Variants in ACSM2B observed in about 807,000 individuals in gnomAD.
The protein encoded by ACSM2B is acyl-CoA synthetase medium chain family member 2B.
A neutral mutation model predicts 78.6 loss-of-function variants in ACSM2B; 58 were observed. That is an observed-to-expected ratio of 0.74 (90% CI 0.60 to 0.92). ACSM2B has a LOEUF of 0.92. Ranked by LOEUF, ACSM2B falls within the 40% of genes least tolerant of loss-of-function variation. The pLI is 0.00. For synonymous variants in ACSM2B, 257 were observed against 256.8 expected, an observed-to-expected ratio of 1.00 and a Z score of -0.01; for missense variants, 688 against 711.2, an observed-to-expected ratio of 0.97 and a Z score of 0.37.
chr16:20,556,707 C>G (rs1037263758), intron 3 of ACSM2B, among the ~76,000 whole-genome samples: 2 of 152,186 alleles, frequency 1.3e-5, no homozygotes, highest in Non-Finnish European at 2.9e-5. Context: ...AACCTTAGCT[C>G]ACTTTCTTCC....
intron 4 of ACSM2B, chr16:20,554,197 A>G: frequency 1.7e-6 from 1 of 572,876 alleles, no homozygotes; most frequent in Non-Finnish European, 3.2e-6. Flanking sequence ...AGTGAGATCA[A>G]GTCTTATAGA....
At position 20,568,740 on chromosome 16, in the gene ACSM2B, G is replaced by GT. The variant is rs780553541; in HGVS notation, c.-8-3888dup. Among the ~76,000 whole-genome samples, 60 of 151,310 alleles carry GT rather than the reference G, an allele frequency of 4.0e-4. 1 individual carries two copies. Among genetic ancestry groups the GT allele is most frequent in the East Asian group, 1.2e-3 (6 of 5,140 alleles). On this transcript the variant is annotated intron_variant, in intron 1 of 13. Transcript: ENST00000329697. Reference sequence around the variant, plus strand: ...CACACCAACATCTATAATTTTTTTTGTTTTTTTATAATGACCATTCTTGCA... The same window carrying GT: ...CACACCAACATCTATAATTTTTTTTGTTTTTTTTATAATGACCATTCTTGCA...
At chr16:20,541,752 G>C (rs1281331120) in intron 12 of ACSM2B, 4 of 144,318 alleles carry the variant, frequency 2.8e-5, no homozygotes, top group Non-Finnish European at 5.9e-5. Context: ...GCGCGATCTC[G>C]GCTCACTGCA....
At chr16:20,571,935 A>C (rs2016103471) in intron 1 of ACSM2B, among the ~76,000 whole-genome samples, 1 of 151,266 alleles carries the variant, frequency 6.6e-6, no homozygotes, top group African/African-American at 2.4e-5. Context: ...GTCTTTTTCC[A>C]CCCCCTTACC....
At chr16:20,562,290 A>C (rs937805235) in intron 2 of ACSM2B, among the ~76,000 whole-genome samples, 5 of 152,162 alleles carry the variant, frequency 3.3e-5, no homozygotes, top group African/African-American at 7.2e-5. Flanking sequence ...GACCCTTCGC[A>C]TATCCCCTGA....
chr16:20,544,669 C>A (rs2015085596), intron 10 of ACSM2B: 2 of 983,362 alleles, frequency 2.0e-6, no homozygotes, highest in Middle Eastern at 5.3e-4. Context: ...CCATCCTCAC[C>A]TGTCAAGTGA....
intron 3 of ACSM2B, among the ~76,000 whole-genome samples, chr16:20,558,346 G>T (rs1286585101): frequency 7.0e-6 from 1 of 143,746 alleles, no homozygotes; most frequent in Non-Finnish European, 1.5e-5. Flanking sequence ...CTATTCCCTA[G>T]CCCCCTGCAT....
chr16:20,566,624 AC>A (rs1377669705), intron 1 of ACSM2B, among the ~76,000 whole-genome samples: 1 of 64,854 alleles, frequency 1.5e-5, no homozygotes, highest in Non-Finnish European at 2.3e-5. Context: ...TAGTATATAT[AC>A]TATATATAGT....
intron 5 of ACSM2B, among the ~76,000 whole-genome samples, chr16:20,552,509 C>T (rs1347382373): frequency 3.3e-5 from 5 of 151,998 alleles, no homozygotes; most frequent in East Asian, 1.9e-4. Flanking sequence ...GATGAATGTT[C>T]GGAAGGTGGG....
chr16:20,552,205 G>A lies in ACSM2B; in HGVS notation c.833C>T (p.Thr278Ile). The change falls in exon 6 of 14, where the codon ACA becomes ATA. Residue 278 changes from threonine (T) to isoleucine (I), a missense_variant. By Grantham distance (89) the Thr-to-Ile change is moderately conservative (BLOSUM62 -1). Transcript: ENST00000329697. ...ATGAACAAATGTGCATGCTCCTAAT[G>A]TCCAAGATTCCAAAAGTGAGCCCAA... Reference protein sequence around the residue: ...NILGSLLESWTLGACTFVHLL... With the variant: ...NILGSLLESWILGACTFVHLL... 6 of 1,613,870 alleles carry A rather than the reference G, an allele frequency of 3.7e-6. No homozygotes were observed. Among genetic ancestry groups the A allele is most frequent in the Admixed American group, 1.7e-5 (1 of 59,998 alleles).
Position 20,567,823 on chromosome 16 carries a change from T to C in ACSM2B, c.-8-2970A>G, listed in dbSNP as rs1407201333. Among the ~76,000 whole-genome samples the C allele has an allele frequency of 4.9e-5, 7 of 141,496 alleles. No homozygotes were observed. In the South Asian group the frequency reaches 6.3e-4, roughly 13 times the overall value. The allele number at this position is 141,496 out of a possible 152,430, so 92.8% of individuals were successfully genotyped here. ...TATAATAGTATGGTATGTATAGATA[T>C]ATAAAACTATACTATTATATAATAT... is the stretch of plus-strand genomic sequence containing the variant. On this transcript the variant is annotated intron_variant, in intron 1 of 13. Coordinates refer to ENST00000329697, the MANE Select transcript of ACSM2B (RefSeq NM_001105069.2).
chr16:20,552,143 C>T lies in ACSM2B; in HGVS notation c.894+1G>A, dbSNP rs766441101. On this transcript the variant is annotated splice_donor_variant, in intron 6 of 13. Coordinates refer to ENST00000329697, the MANE Select transcript of ACSM2B (RefSeq NM_001105069.2). LOFTEE classifies it high-confidence loss of function. ...CTGCTGCAAACTGGATCCTCTCTTA[C>T]CTTTAGAATAACCAGTGGGTCAAAC... 4 of 1,606,902 alleles carry T rather than the reference C, an allele frequency of 2.5e-6. No homozygotes were observed. The highest frequency in any genetic ancestry group is 1.1e-5 in the South Asian group (1 of 89,386).
At chr16:20,568,247 T>C (rs1278145448) in intron 1 of ACSM2B, among the ~76,000 whole-genome samples, 4 of 144,638 alleles carry the variant, frequency 2.8e-5, no homozygotes, top group Non-Finnish European at 6.1e-5. Context: ...ATATATACTA[T>C]ATATAGCCAC....
At chr16:20,538,242 G>T (rs1293128940) in intron 13 of ACSM2B, among the ~76,000 whole-genome samples, 1 of 152,180 alleles carries the variant, frequency 6.6e-6, no homozygotes, top group Non-Finnish European at 1.5e-5. Context: ...CTGACTTTGT[G>T]GAGAAGAGTT....
chr16:20,565,973 C>T (rs2152145078), intron 1 of ACSM2B, among the ~76,000 whole-genome samples: 1 of 151,322 alleles, frequency 6.6e-6, no homozygotes, highest in East Asian at 1.9e-4. Flanking sequence ...CAATCCCATC[C>T]AGGTTGCTGC....
intron 2 of ACSM2B, among the ~76,000 whole-genome samples, chr16:20,562,221 A>G (rs2015681884): frequency 6.6e-6 from 1 of 152,022 alleles, no homozygotes; most frequent in Non-Finnish European, 1.5e-5. Context: ...TAGCTGTAAC[A>G]TTTTACATAC....
At chr16:20,540,224 G>GTT (rs67241828) in intron 13 of ACSM2B, among the ~76,000 whole-genome samples, 79 of 77,416 alleles carry the variant, frequency 1.0e-3, no homozygotes, top group Middle Eastern at 0.013. Context: ...TTTTTTTTTT[G>GTT]TTTTTTTTTT....
In ACSM2B at chr16:20,543,025, C is replaced by A; in HGVS notation, c.1410-12G>T. On this transcript the variant is annotated splice_polypyrimidine_tract_variant and intron_variant, in intron 11 of 13. Transcript: ENST00000329697. ...GTCCAATCCGGTACCTGCAGAAGAACCTGTCCTTCAGAGAACACTGGACAC... is the reference window on the plus strand; with the variant it reads ...GTCCAATCCGGTACCTGCAGAAGAAACTGTCCTTCAGAGAACACTGGACAC... The A allele has an allele frequency of 5.0e-6, 8 of 1,613,614 alleles. No homozygotes were observed. Among genetic ancestry groups the A allele is most frequent in the Non-Finnish European group, 6.8e-6 (8 of 1,179,868 alleles).
chr16:20,559,581 G>C, intron 2 of ACSM2B, 134 bp from the exon 3 acceptor site: 1 of 1,318,558 alleles, frequency 7.6e-7, no homozygotes, highest in Non-Finnish European at 1.0e-6. Context: ...ATCATAAAAA[G>C]TATTGAAAAC....
Sources: allele counts gnomAD v4.1 joint callset (sites outside exome capture counted in the v4.1 genomes callset), GRCh38; gene constraint gnomAD v4.1.1; transcripts MANE v1.5; gene names NCBI Gene and HGNC (gene_info 2026-07-23, HGNC 2026-07-21).